Variants in UBE4B observed in about 807,000 individuals in gnomAD.
UBE4B encodes the protein ubiquitin conjugation factor E4 B.
A neutral mutation model predicts 148.1 loss-of-function variants in UBE4B; 27 were observed. That is an observed-to-expected ratio of 0.18 (90% confidence interval 0.13 to 0.25). The LOEUF is 0.25. Among genes scored for constraint, UBE4B ranks in the 10% least tolerant of loss-of-function variants. UBE4B has a pLI of 1.00. For missense variants in UBE4B, 1,170 were observed against 1,662.4 expected, an observed-to-expected ratio of 0.70 and a Z score of 5.15; for synonymous variants, 596 against 619.3, an observed-to-expected ratio of 0.96 and a Z score of 0.56.
At chr1:10,101,443 G>A (rs1009980667) in intron 4 of UBE4B, among the ~76,000 whole-genome samples, 3 of 147,788 alleles carry the variant, frequency 2.0e-5, no homozygotes, top group South Asian at 4.2e-4. Flanking sequence ...AGTAAATTTA[G>A]GTTGTAATAG....
At position 10,072,339 on chromosome 1, in the gene UBE4B, AGCAGTAGTTTAAATATCATT is replaced by A. The variant is rs1644500771; in HGVS notation, c.211+129_211+148del. On this transcript the variant is annotated intron_variant, in intron 2 of 27. Transcript: ENST00000343090. ...GACATCAGCTCTTTAAAATCCTCCA[AGCAGTAGTTTAAATATCATT>A]GCAATGTGTTGTGTTATCGCTTTTT... The A allele has an allele frequency of 5.2e-6, 6 of 1,163,664 alleles. No homozygotes were observed. In the East Asian group the frequency reaches 1.5e-4, roughly 30 times the overall value. The allele number at this position is 1,163,664 out of a possible 1,614,324, so 72.1% of individuals were successfully genotyped here. A position where few individuals can be genotyped will look rare whatever the true frequency, so the allele number is the denominator to read the frequency against.
chr1:10,068,399 G>A (rs1186613052), intron 1 of UBE4B, among the ~76,000 whole-genome samples: 1 of 151,350 alleles, frequency 6.6e-6, no homozygotes, highest in Non-Finnish European at 1.5e-5. Flanking sequence ...GCCCAGGCTG[G>A]AGTGCAGTGG....
Position 10,146,954 on chromosome 1 carries a change from C to A in UBE4B, c.2464-9C>A. On this transcript the variant is annotated splice_polypyrimidine_tract_variant and intron_variant, in intron 18 of 27. Coordinates refer to ENST00000343090, the MANE Select transcript of UBE4B (RefSeq NM_001105562.3). ...TGATCTTTGGGTGGGGACATCCCTGCTTCCACAGAAACTGGTACGGTGCAA... is the reference window on the plus strand; with the variant it reads ...TGATCTTTGGGTGGGGACATCCCTGATTCCACAGAAACTGGTACGGTGCAA... 1 of 1,613,404 alleles carries A rather than the reference C, an allele frequency of 6.2e-7. No individual in the cohort carries two copies. Among genetic ancestry groups the A allele is most frequent in the Non-Finnish European group, 8.5e-7 (1 of 1,179,508 alleles).
chr1:10,076,416 G>A (rs1009113746), intron 2 of UBE4B, among the ~76,000 whole-genome samples: 16 of 151,866 alleles, frequency 1.1e-4, no homozygotes, highest in Non-Finnish European at 2.2e-4. Flanking sequence ...GCTAATTTTT[G>A]TATTTTTAGT....
At chr1:10,164,824 G>C (rs1046814122) in intron 23 of UBE4B, among the ~76,000 whole-genome samples, 11 of 152,008 alleles carry the variant, frequency 7.2e-5, no homozygotes, top group Admixed American at 1.3e-4. Flanking sequence ...CTCTAGGTTA[G>C]TGTTTCTCAA....
At chr1:10,166,010 G>A (rs149317597) in intron 23 of UBE4B, among the ~76,000 whole-genome samples, 14 of 152,324 alleles carry the variant, frequency 9.2e-5, no homozygotes, top group Non-Finnish European at 1.3e-4. Context: ...CTGTTCTTGT[G>A]TCTTTCCTGG....
At chr1:10,048,897 T>C (rs1166512137) in intron 1 of UBE4B, among the ~76,000 whole-genome samples, 1 of 152,226 alleles carries the variant, frequency 6.6e-6, no homozygotes, top group Admixed American at 6.5e-5. Flanking sequence ...CTTATCTTTT[T>C]CTGTTTTAAC....
chr1:10,134,049 C>CA (rs367557718), intron 15 of UBE4B, among the ~76,000 whole-genome samples: 217 of 135,944 alleles, frequency 1.6e-3, no homozygotes, highest in Middle Eastern at 0.015. Flanking sequence ...AACCCTGTCT[C>CA]AAAAAAAAAA....
chr1:10,151,834 C>T (rs753061950), intron 21 of UBE4B, among the ~76,000 whole-genome samples: 5 of 151,902 alleles, frequency 3.3e-5, no homozygotes, highest in Non-Finnish European at 5.9e-5. Context: ...GTATCAAGAG[C>T]ACAAGTTGGT....
chr1:10,147,557 A>T, intron 19 of UBE4B, among the ~76,000 whole-genome samples: 1 of 152,218 alleles, frequency 6.6e-6, no homozygotes, highest in East Asian at 1.9e-4. Flanking sequence ...TTATGTAGTT[A>T]TATTGATAGG....
At chr1:10,089,076 A>G (rs1644806676) in intron 2 of UBE4B, among the ~76,000 whole-genome samples, 1 of 151,986 alleles carries the variant, frequency 6.6e-6, no homozygotes, top group Non-Finnish European at 1.5e-5. Context: ...GCGCGATCTC[A>G]GCTCACTGCA....
intron 25 of UBE4B, among the ~76,000 whole-genome samples, chr1:10,175,461 C>T (rs185219732): frequency 0.017 from 2,570 of 151,004 alleles, 83 homozygotes; most frequent in African/African-American, 0.059. Flanking sequence ...ACCGTCCTGG[C>T]TAACACGGTG....
At chr1:10,147,150 T>A (rs1645887808) in intron 19 of UBE4B, 60 bp downstream of exon 19, 1 of 1,607,138 alleles carries the variant, frequency 6.2e-7, no homozygotes, top group South Asian at 1.1e-5. Context: ...TTGTCTTTAT[T>A]GTCCTTCAAA....
intron 1 of UBE4B, among the ~76,000 whole-genome samples, chr1:10,058,201 C>CT (rs1644214404): frequency 6.6e-6 from 1 of 152,074 alleles, no homozygotes; most frequent in African/African-American, 2.4e-5. Flanking sequence ...TCATGATATT[C>CT]TTTGGAGAAG....
At chr1:10,076,872 G>A (rs1203899786) in intron 2 of UBE4B, among the ~76,000 whole-genome samples, 4 of 147,318 alleles carry the variant, frequency 2.7e-5, no homozygotes, top group Non-Finnish European at 4.5e-5. Flanking sequence ...TCAGCCTCCC[G>A]ATTAGCTGGG....
intron 7 of UBE4B, among the ~76,000 whole-genome samples, chr1:10,116,220 G>A (rs1557567823): frequency 6.6e-6 from 1 of 152,082 alleles, no homozygotes; most frequent in Non-Finnish European, 1.5e-5. Flanking sequence ...TCGGATCACT[G>A]CAACAACCTC....
chr1:10,125,335 G>A (rs1645475955), intron 10 of UBE4B, among the ~76,000 whole-genome samples: 1 of 152,052 alleles, frequency 6.6e-6, no homozygotes, highest in African/African-American at 2.4e-5. Context: ...TACAATGTTG[G>A]CATTCCCCAG....
At chr1:10,052,215 T>C (rs1326090047) in intron 1 of UBE4B, among the ~76,000 whole-genome samples, 2 of 151,976 alleles carry the variant, frequency 1.3e-5, no homozygotes, top group Non-Finnish European at 2.9e-5. Flanking sequence ...TATAGGTGCA[T>C]GCCACCATAC....
intron 17 of UBE4B, among the ~76,000 whole-genome samples, chr1:10,143,821 C>T (rs1348216582): frequency 6.6e-6 from 1 of 152,180 alleles, no homozygotes; most frequent in Non-Finnish European, 1.5e-5. Flanking sequence ...GAAGCTGCTT[C>T]GGAGGTCAGC....
Sources: gnomAD v4.1 joint callset for allele counts (sites outside exome capture counted in the v4.1 genomes callset) on GRCh38, gnomAD v4.1.1 for gene constraint, MANE v1.5 for transcripts, NCBI Gene and HGNC (gene_info 2026-07-23, HGNC 2026-07-21) for gene names.